Variants in BFAR observed in about 807,000 individuals in gnomAD.
BFAR encodes the protein RING finger protein 47.
A neutral mutation model predicts 54.4 loss-of-function variants in BFAR; 52 were observed. The observed-to-expected ratio is 0.96, with a 90% confidence interval of 0.77 to 1.21. The LOEUF (loss-of-function observed/expected upper bound fraction) is 1.21. Among genes scored for constraint, BFAR ranks in the 50% most tolerant of loss-of-function variants. The pLI is 0.00. For synonymous variants in BFAR, 215 were observed against 204.3 expected (o/e 1.05, Z -0.45); for missense variants, 571 against 534.0 (o/e 1.07, Z -0.68).
In BFAR at chr16:14,649,974, G is replaced by A. The variant is rs906917557; in HGVS notation, c.638+1G>A. 3 of 1,604,408 alleles carry A rather than the reference G, an allele frequency of 1.9e-6. No homozygotes were observed. The highest frequency in any genetic ancestry group is 1.3e-5 in the African/African-American group (1 of 74,622). ...TTTTATCTGAACGAGTAAATGGAAG[G>A]TGAGGAGCAAAGTCTTCTGACACAC... On this transcript the variant is annotated splice_donor_variant, in intron 4 of 7. Transcript: ENST00000261658. LOFTEE classifies it high-confidence loss of function.
chr16:14,640,961 A>G (rs1016397992), intron 1 of BFAR, among the ~76,000 whole-genome samples: 1 of 152,248 alleles, frequency 6.6e-6, no homozygotes, highest in Admixed American at 6.5e-5. Context: ...TTAGCTCTTC[A>G]GAGTGACTCA....
chr16:14,653,386 G>C (rs1960029818), intron 4 of BFAR, among the ~76,000 whole-genome samples: 1 of 151,702 alleles, frequency 6.6e-6, no homozygotes, highest in African/African-American at 2.4e-5. Flanking sequence ...GGAGTGCAGT[G>C]GCGTGATCTT....
chr16:14,647,677 C>CAAA (rs888504146), intron 2 of BFAR, among the ~76,000 whole-genome samples: 1 of 88,302 alleles, frequency 1.1e-5, no homozygotes. Flanking sequence ...ACTCTTGTCT[C>CAAA]AAAAAAAAAA....
intron 2 of BFAR, among the ~76,000 whole-genome samples, chr16:14,646,758 A>G (rs1268600632): frequency 1.3e-5 from 2 of 152,100 alleles, no homozygotes; most frequent in African/African-American, 4.8e-5. Context: ...TCAGCCTCCC[A>G]AAGTGCTGGG....
rs528533681 is a variant in BFAR, at chr16:14,638,837, C to T, written c.-73-5437C>T. Among the ~76,000 whole-genome samples the T allele has an allele frequency of 2.6e-4, 40 of 151,938 alleles. No homozygotes were observed. In the South Asian group the frequency reaches 3.5e-3, roughly 13 times the overall value. On this transcript the variant is annotated intron_variant, in intron 1 of 7. Transcript: ENST00000261658. ...CTGGGCGCCTGTAATCCCAGCTACT[C>T]AGGAGGCTGAGGCATGAGAATTGCT...
intron 7 of BFAR, 176 bp from the exon 8 acceptor site, chr16:14,667,459 G>C: frequency 1.6e-6 from 1 of 617,670 alleles, no homozygotes; most frequent in Non-Finnish European, 2.8e-6. Flanking sequence ...TCATGTCCTT[G>C]AGAGTTAAAA....
intron 2 of BFAR, 31 bp downstream of exon 2, chr16:14,644,640 C>G (rs1313378444): frequency 5.7e-6 from 9 of 1,574,086 alleles, no homozygotes; most frequent in Non-Finnish European, 7.8e-6. Context: ...GTAGCACAAA[C>G]AGCCCATAAA....
chr16:14,667,926 C>T lies in BFAR; in HGVS notation c.*99C>T. On this transcript the variant is annotated 3_prime_UTR_variant, in exon 8 of 8. Coordinates refer to ENST00000261658, the MANE Select transcript of BFAR (RefSeq NM_016561.3). ...GGGAGCGGACTTCCTATTTTCTACC[C>T]TCAGTAAAACAAGGTGCTGCTTTGT... is the stretch of plus-strand genomic sequence containing the variant. 7.9e-7 allele frequency: 1 copy of T among 1,260,278 alleles called. No homozygotes were observed. Among genetic ancestry groups the T allele is most frequent in the Non-Finnish European group, 1.1e-6 (1 of 892,946 alleles). The allele number at this position is 1,260,278 out of a possible 1,614,324, so 78.1% of individuals were successfully genotyped here.
intron 1 of BFAR, among the ~76,000 whole-genome samples, chr16:14,642,254 C>T (rs1254060860): frequency 1.3e-5 from 2 of 152,156 alleles, no homozygotes; most frequent in Non-Finnish European, 2.9e-5. Context: ...GTATTTACAC[C>T]ATACAAATTT....
rs1960522630 is a variant in BFAR, at chr16:14,669,012, T to A, written c.*1185T>A. ...TATAAATATGGCATGAAGTGAACTA[T>A]GGCCTTTTATTTCCTTCCAGTGTGA... On this transcript the variant is annotated 3_prime_UTR_variant, in exon 8 of 8. Coordinates refer to ENST00000261658, the MANE Select transcript of BFAR (RefSeq NM_016561.3). The A allele has an allele frequency of 2.2e-6, 1 of 452,578 alleles. No homozygotes were observed. The highest frequency in any genetic ancestry group is 4.4e-6 in the Non-Finnish European group (1 of 225,480). 28.0% of individuals were successfully genotyped at this position (452,578 alleles called of 1,614,324 possible). A position where few individuals can be genotyped will look rare whatever the true frequency, so the allele number is the denominator to read the frequency against.
At chr16:14,642,655 G>T (rs1454784041) in intron 1 of BFAR, among the ~76,000 whole-genome samples, 1 of 152,130 alleles carries the variant, frequency 6.6e-6, no homozygotes, top group African/African-American at 2.4e-5. Flanking sequence ...TGGCAGATTT[G>T]GCCTGGCACA....
Position 14,648,390 on chromosome 16 carries a change from A to T in BFAR, c.266A>T (p.Asp89Val). ...TTTTTTTTTTCTATTCTCCATAGGG[A>T]TGCCATTGAAAAGTTATTTCCTGAT... The part of the protein sequence containing the change: ...GFPKVSILLR[D>V]AIEKLFPDAI... The change falls in exon 3 of 8, where the codon GAT (aspartate) becomes GTT (valine). Residue 89 changes from aspartate to valine, a missense_variant and splice_region_variant. By Grantham distance (152) the Asp-to-Val change is radical. Coordinates refer to ENST00000261658, the MANE Select transcript of BFAR (RefSeq NM_016561.3). The T allele has an allele frequency of 6.2e-7, 1 of 1,609,092 alleles. No individual in the cohort carries two copies. Among genetic ancestry groups the T allele is most frequent in the Non-Finnish European group, 8.5e-7 (1 of 1,176,102 alleles).
At chr16:14,655,391 A>G (rs1960102242) in intron 5 of BFAR, among the ~76,000 whole-genome samples, 181 bp downstream of exon 5, 1 of 151,240 alleles carries the variant, frequency 6.6e-6, no homozygotes, top group South Asian at 2.1e-4. Flanking sequence ...GCGCAATCTC[A>G]GCTCAGTGCA....
chr16:14,648,468 G>A lies in BFAR; in HGVS notation c.344G>A (p.Ser115Asn). The change falls in exon 3 of 8, where the codon AGT becomes AAT. Residue 115 changes from serine (S) to asparagine (N), a missense_variant. Coordinates refer to ENST00000261658, the MANE Select transcript of BFAR (RefSeq NM_016561.3). The stretch of plus-strand genomic sequence containing the variant: ...CAGCAGAATAATGACATAGTCCAAA[G>A]TCTTGCAGCCTTTCAGAAATATGGG... The part of the protein sequence containing the change: ...DIQQNNDIVQ[S>N]LAAFQKYGND... 6.2e-7 allele frequency: 1 copy of A among 1,613,766 alleles called. No individual in the cohort carries two copies.
chr16:14,658,143 C>A (rs1960180796), intron 5 of BFAR, among the ~76,000 whole-genome samples: 1 of 152,154 alleles, frequency 6.6e-6, no homozygotes, highest in South Asian at 2.1e-4. Flanking sequence ...CTGTCTCTAG[C>A]AAGAGAGAGG....
chr16:14,659,558 C>CT (rs1003575670), intron 5 of BFAR, among the ~76,000 whole-genome samples: 27 of 132,344 alleles, frequency 2.0e-4, no homozygotes, highest in Non-Finnish European at 2.9e-4. Flanking sequence ...TAGTATACTT[C>CT]TTTTTTTTTT....
In BFAR at chr16:14,669,231, A is replaced by G. The variant is rs768843479; in HGVS notation, c.*1404A>G. On this transcript the variant is annotated 3_prime_UTR_variant, in exon 8 of 8. Transcript: ENST00000261658. ...AAAATAAAGATTTCTATATAGATAA[A>G]ACCTATATGTAGAGAAAAAGCAATT... 3.6e-6 allele frequency: 1 copy of G among 280,952 alleles called. No individual in the cohort carries two copies. Among genetic ancestry groups the G allele is most frequent in the Non-Finnish European group, 7.3e-6 (1 of 137,164 alleles). 17.4% of individuals were successfully genotyped at this position (280,952 alleles called of 1,614,324 possible).
chr16:14,646,755 C>T (rs536129497), intron 2 of BFAR, among the ~76,000 whole-genome samples: 103 of 152,314 alleles, frequency 6.8e-4, no homozygotes, highest in African/African-American at 2.4e-3. Context: ...GCCTCAGCCT[C>T]CCAAAGTGCT....
intron 1 of BFAR, among the ~76,000 whole-genome samples, chr16:14,636,702 G>T (rs1004480250): frequency 6.6e-6 from 1 of 152,204 alleles, no homozygotes; most frequent in African/African-American, 2.4e-5. Context: ...GTGTCGGGCT[G>T]GGGGACGGTC....
Sources: allele counts gnomAD v4.1 joint callset (sites outside exome capture counted in the v4.1 genomes callset), GRCh38; gene constraint gnomAD v4.1.1; transcripts MANE v1.5; gene names NCBI Gene and HGNC (gene_info 2026-07-23, HGNC 2026-07-21).